The following SCAPER variants were observed in gnomAD, a reference collection of about 807,000 sequenced individuals.
SCAPER encodes the protein S phase cyclin A-associated protein in the endoplasmic reticulum.
Under a neutral mutation model 182.2 loss-of-function variants are expected in SCAPER, and 98 were observed. That is an observed-to-expected ratio of 0.54 (90% CI 0.46 to 0.64). The LOEUF (loss-of-function observed/expected upper bound fraction) is 0.64, where lower values mean the gene tolerates loss of function less well. Among genes scored for constraint, SCAPER ranks in the 30% least tolerant of loss-of-function variants. SCAPER has a pLI of 0.00. For synonymous variants in SCAPER, 605 were observed against 564.6 expected (o/e 1.07, Z -1.01); for missense variants, 1,432 against 1,690.0 (o/e 0.85, Z 2.68).
intron 3 of SCAPER, among the ~76,000 whole-genome samples, chr15:76,858,576 A>G (rs1472801806): frequency 6.6e-6 from 1 of 152,166 alleles, no homozygotes; most frequent in African/African-American, 2.4e-5. Context: ...GGTAATTAGC[A>G]TAAGTAACTG....
At chr15:76,672,696 G>A (rs1275109431) in intron 20 of SCAPER, among the ~76,000 whole-genome samples, 1 of 152,114 alleles carries the variant, frequency 6.6e-6, no homozygotes, top group Non-Finnish European at 1.5e-5. Context: ...AATACTGCAA[G>A]AGGACAAAGA....
chr15:76,469,581 T>G (rs1596818712), intron 25 of SCAPER, among the ~76,000 whole-genome samples: 1 of 152,176 alleles, frequency 6.6e-6, no homozygotes, highest in East Asian at 1.9e-4. Context: ...AGTTCCTCAC[T>G]TTTTCCTTGT....
At chr15:76,846,998 C>T (rs1020694977) in intron 4 of SCAPER, among the ~76,000 whole-genome samples, 1 of 151,888 alleles carries the variant, frequency 6.6e-6, no homozygotes, top group Non-Finnish European at 1.5e-5. Context: ...CAATGAAGTG[C>T]TTGCTATTCA....
chr15:76,831,272 C>T (rs966096379), intron 5 of SCAPER, among the ~76,000 whole-genome samples: 2 of 152,090 alleles, frequency 1.3e-5, no homozygotes, highest in Admixed American at 6.5e-5. Flanking sequence ...GATCTAAATG[C>T]TCCCATTTGC....
In SCAPER at chr15:76,835,468, GA is replaced by G. The variant is rs2068846922; in HGVS notation, c.393+6265del. On this transcript the variant is annotated intron_variant, in intron 5 of 31. Coordinates refer to ENST00000563290, the MANE Select transcript of SCAPER (RefSeq NM_020843.4). Reference sequence around the variant, plus strand: ...CCACATGAGCATCTCAACAGACACAGAAAAGGCTTTCAATAAAATTCAACAT... The same window carrying G: ...CCACATGAGCATCTCAACAGACACAGAAAGGCTTTCAATAAAATTCAACAT... Among the ~76,000 whole-genome samples the G allele has an allele frequency of 2.0e-5, 3 of 152,200 alleles. No homozygotes were observed. In the South Asian group the frequency reaches 6.2e-4, roughly 32 times the overall value.
intron 21 of SCAPER, among the ~76,000 whole-genome samples, chr15:76,659,277 C>CT (rs370588073): frequency 0.051 from 7,627 of 149,410 alleles, 226 homozygotes; most frequent in South Asian, 0.12. Flanking sequence ...TACAGACACA[C>CT]TTTTTTTTTT....
chr15:76,706,542 C>G (rs920829975), intron 17 of SCAPER, among the ~76,000 whole-genome samples: 2 of 152,126 alleles, frequency 1.3e-5, no homozygotes, highest in African/African-American at 4.8e-5. Context: ...AATCAGCAGA[C>G]TGGGAAGGCC....
intron 24 of SCAPER, among the ~76,000 whole-genome samples, chr15:76,478,497 G>A (rs1056631849): frequency 6.6e-6 from 1 of 151,936 alleles, no homozygotes; most frequent in Non-Finnish European, 1.5e-5. Context: ...CTCACTATGA[G>A]ATGAGGTAAT....
At chr15:76,428,866 C>CCATATA (rs1555432006) in intron 26 of SCAPER, among the ~76,000 whole-genome samples, 1 of 79,954 alleles carries the variant, frequency 1.3e-5, no homozygotes, top group African/African-American at 5.5e-5. Context: ...GATCATTATA[C>CCATATA]TATATATATA....
At chr15:76,358,109 C>G (rs2041130712) in intron 29 of SCAPER, among the ~76,000 whole-genome samples, 2 of 152,172 alleles carry the variant, frequency 1.3e-5, no homozygotes, top group Admixed American at 6.5e-5. Context: ...GGGAGACACA[C>G]ATAAAAATAA....
chr15:76,701,995 G>A, intron 19 of SCAPER, 130 bp from the exon 20 acceptor site: 1 of 540,450 alleles, frequency 1.9e-6, no homozygotes, highest in Non-Finnish European at 3.2e-6. Flanking sequence ...CTTAAAAATA[G>A]TTTCCTCAGA....
At chr15:76,517,147 A>G (rs1358507415) in intron 23 of SCAPER, among the ~76,000 whole-genome samples, 3 of 151,966 alleles carry the variant, frequency 2.0e-5, no homozygotes, top group African/African-American at 7.2e-5. Flanking sequence ...TATGCGTTTG[A>G]CTTTTGGGAC....
intron 24 of SCAPER, among the ~76,000 whole-genome samples, chr15:76,485,853 C>A (rs939016091): frequency 6.6e-6 from 1 of 152,164 alleles, no homozygotes; most frequent in Admixed American, 6.5e-5. Context: ...TGAAACTGGG[C>A]CCCTTCCTTA....
At chr15:76,449,654 C>T (rs1208895526) in intron 25 of SCAPER, among the ~76,000 whole-genome samples, 1 of 152,196 alleles carries the variant, frequency 6.6e-6, no homozygotes, top group Non-Finnish European at 1.5e-5. Flanking sequence ...TTATTTCCCT[C>T]TATCTGGTGA....
intron 25 of SCAPER, among the ~76,000 whole-genome samples, chr15:76,438,237 G>A (rs1388619875): frequency 1.4e-5 from 2 of 144,338 alleles, no homozygotes; most frequent in Admixed American, 7.3e-5. Context: ...AGCCGAGATC[G>A]TGCCATTGCA....
intron 25 of SCAPER, among the ~76,000 whole-genome samples, chr15:76,438,397 ACCT>A (rs2047343995): frequency 6.6e-6 from 1 of 152,044 alleles, no homozygotes; most frequent in Admixed American, 6.6e-5. Flanking sequence ...ACCAAATGTT[ACCT>A]CCTCATCTGC....
intron 2 of SCAPER, among the ~76,000 whole-genome samples, chr15:76,877,196 GA>G (rs2073232548): frequency 6.8e-6 from 1 of 147,824 alleles, no homozygotes; most frequent in East Asian, 2.0e-4. Context: ...GGGTGACAGA[GA>G]CCCTGTCTTT....
intron 17 of SCAPER, among the ~76,000 whole-genome samples, chr15:76,709,200 C>T (rs1272404054): frequency 1.3e-5 from 2 of 152,146 alleles, no homozygotes; most frequent in East Asian, 3.9e-4. Context: ...AGCGCAATCT[C>T]GACTCACTGC....
At chr15:76,566,737 A>T (rs991736264) in intron 23 of SCAPER, among the ~76,000 whole-genome samples, 1 of 152,114 alleles carries the variant, frequency 6.6e-6, no homozygotes, top group Non-Finnish European at 1.5e-5. Flanking sequence ...TTTCTTCAAT[A>T]AAAAAATTTC....
Sources: allele counts gnomAD v4.1 joint callset (sites outside exome capture counted in the v4.1 genomes callset), GRCh38; gene constraint gnomAD v4.1.1; transcripts MANE v1.5; gene names NCBI Gene and HGNC (gene_info 2026-07-23, HGNC 2026-07-21).